Variants in PCDHGA1 observed in about 807,000 individuals in gnomAD.
The protein encoded by PCDHGA1 is protocadherin gamma subfamily A, 1, also known as protocadherin gamma-A1.
In PCDHGA1, 32 loss-of-function variants were observed where a neutral mutation model predicts 58.0. The observed-to-expected ratio is 0.55, with a 90% CI of 0.42 to 0.74. The LOEUF (loss-of-function observed/expected upper bound fraction) is 0.74. Among genes scored for constraint, PCDHGA1 ranks in the 30% least tolerant of loss-of-function variants. PCDHGA1 has a pLI of 0.00. For missense variants in PCDHGA1, 1,205 were observed against 1,182.3 expected (o/e 1.02, Z -0.28); for synonymous variants, 498 against 501.1 (o/e 0.99, Z 0.08).
Position 141,485,792 on chromosome 5 carries a change from G to T in PCDHGA1, c.2422-9015G>T, listed in dbSNP as rs114766079. 6.2e-6 allele frequency: 10 copies of T among 1,614,118 alleles called. No individual in the cohort carries two copies. In the Admixed American group the frequency reaches 1.3e-4, roughly 22 times the overall value. ...GCCTTTGGATCGAGAGAAGCAATCG[G>T]ACTACCGCCTGGTGCTGACTGCTGT... On this transcript the variant is annotated intron_variant, in intron 1 of 3. Transcript: ENST00000517417. This position sits in a 1 kb window ranked among gnomAD's most constrained non-coding sequence, Gnocchi z 5.7.
chr5:141,393,376 G>C (rs749009041), intron 1 of PCDHGA1: 2 of 1,613,842 alleles, frequency 1.2e-6, no homozygotes, highest in African/African-American at 2.7e-5. Flanking sequence ...GGAGACAATG[G>C]AGCCATAAAC....
Position 141,486,772 on chromosome 5 carries a change from T to A in PCDHGA1, c.2422-8035T>A. ...ATGAGCAAACCCAGACACTGCAGTT[T>A]GAGGTGCAGGCCCGGGATCGGGGCA... is the stretch of plus-strand genomic sequence containing the variant. On this transcript the variant is annotated intron_variant, in intron 1 of 3. Coordinates refer to ENST00000517417, the MANE Select transcript of PCDHGA1 (RefSeq NM_018912.3). The surrounding 1 kb of genome is among the most constrained non-coding windows in gnomAD (Gnocchi z 5.0). 1 of 1,614,246 alleles carries A rather than the reference T, an allele frequency of 6.2e-7. No homozygotes were observed. Among genetic ancestry groups the A allele is most frequent in the South Asian group, 1.1e-5 (1 of 91,088 alleles).
At chr5:141,393,316 A>T (rs2092726404) in intron 1 of PCDHGA1, 2 of 1,612,964 alleles carry the variant, frequency 1.2e-6, no homozygotes, top group Non-Finnish European at 1.7e-6. Flanking sequence ...AACTCCCTCC[A>T]GAGCTACCAG....
chr5:141,415,496 T>C, intron 1 of PCDHGA1: 1 of 1,614,070 alleles, frequency 6.2e-7, no homozygotes. Flanking sequence ...CACCTGATCT[T>C]CCCCCAGCCC....
rs2096144450 is a variant in PCDHGA1 at position 141,417,665 on chromosome 5, T to C, written c.2422-77142T>C. On this transcript the variant is annotated intron_variant, in intron 1 of 3. Coordinates refer to ENST00000517417, the MANE Select transcript of PCDHGA1 (RefSeq NM_018912.3). ...CCTCAGCCTCTAGCCTGGGATTCCCTGCGCAGCCAACAACAGAAAAGAAAA... is the reference window on the plus strand; with the variant it reads ...CCTCAGCCTCTAGCCTGGGATTCCCCGCGCAGCCAACAACAGAAAAGAAAA... 3.3e-6 allele frequency: 3 copies of C among 915,730 alleles called. No individual in the cohort carries two copies. In the South Asian group the frequency reaches 5.8e-5, roughly 18 times the overall value. 56.7% of individuals were successfully genotyped at this position (915,730 alleles called of 1,614,324 possible).
In PCDHGA1 at chr5:141,505,323, G is replaced by T. The variant is rs996747379; in HGVS notation, c.2481-70G>T. 12 of 1,606,640 alleles carry T rather than the reference G, an allele frequency of 7.5e-6. No homozygotes were observed. In the African/African-American group the frequency reaches 1.5e-4, roughly 20 times the overall value. On this transcript the variant is annotated intron_variant, in intron 2 of 3. Transcript: ENST00000517417. Reference sequence around the variant, plus strand: ...TAGGGTACTAGGTTTGGGAGCCCTGGGAGAGGACAGGAGGGGCATGAGCTG... The same window carrying T: ...TAGGGTACTAGGTTTGGGAGCCCTGTGAGAGGACAGGAGGGGCATGAGCTG...
At chr5:141,366,292 G>A (rs1449441048) in intron 1 of PCDHGA1, 3 of 1,613,732 alleles carry the variant, frequency 1.9e-6, no homozygotes, top group East Asian at 4.5e-5. Context: ...AGCCCCCTCT[G>A]TCAGCCACCT....
chr5:141,415,837 A>G (rs1232795581), intron 1 of PCDHGA1: 1 of 1,272,340 alleles, frequency 7.9e-7, no homozygotes, highest in Admixed American at 4.0e-5. Flanking sequence ...TGTTATGATT[A>G]GCTTTGCAGA....
At chr5:141,473,907 C>A (rs552055360) in intron 1 of PCDHGA1, among the ~76,000 whole-genome samples, 1 of 152,102 alleles carries the variant, frequency 6.6e-6, no homozygotes. Flanking sequence ...ATGAAGAGGT[C>A]TTAAGAAAAC....
chr5:141,362,299 G>C (rs781560478), intron 1 of PCDHGA1: 3 of 1,614,078 alleles, frequency 1.9e-6, no homozygotes, highest in Non-Finnish European at 2.5e-6. Context: ...TTCCAGGTCA[G>C]ATGCTTGGGA....
intron 1 of PCDHGA1, chr5:141,418,797 A>T (rs201246978): frequency 1.9e-6 from 3 of 1,613,896 alleles, no homozygotes; most frequent in Non-Finnish European, 2.5e-6. Flanking sequence ...GAAGAAGTAG[A>T]AAGATATACG....
intron 1 of PCDHGA1, chr5:141,371,432 G>A (rs751667760): frequency 1.9e-6 from 3 of 1,614,002 alleles, no homozygotes; most frequent in South Asian, 1.1e-5. Context: ...ATGCCCCGGA[G>A]ATAACCCTGG....
Position 141,477,689 on chromosome 5 carries a change from C to T in PCDHGA1, c.2422-17118C>T. The T allele has an allele frequency of 6.2e-7, 1 of 1,614,156 alleles. No individual in the cohort carries two copies. The highest frequency in any genetic ancestry group is 8.5e-7 in the Non-Finnish European group (1 of 1,180,024). ...TGGCATAGTGTCATCCTTAGTGCCC[C>T]TAGACTATGAGGATCGGCGGGAATT... On this transcript the variant is annotated intron_variant, in intron 1 of 3. Transcript: ENST00000517417. This position sits in a 1 kb window ranked among gnomAD's most constrained non-coding sequence, Gnocchi z 4.9.
intron 1 of PCDHGA1, chr5:141,409,285 T>G (rs773096828): frequency 6.2e-7 from 1 of 1,613,966 alleles, no homozygotes; most frequent in South Asian, 1.1e-5. Context: ...AGAATTCACC[T>G]CCAGGAATGG....
chr5:141,333,648 C>T (rs1329244095), intron 1 of PCDHGA1: 1 of 155,442 alleles, frequency 6.4e-6, no homozygotes, highest in African/African-American at 2.4e-5. Flanking sequence ...TCTATATAAA[C>T]TGCAATTTTA....
chr5:141,413,470 C>T (rs748662580), intron 1 of PCDHGA1: 17 of 1,614,110 alleles, frequency 1.1e-5, no homozygotes, highest in Non-Finnish European at 1.4e-5. Flanking sequence ...CCGGGAGGAG[C>T]TCTGCGCTCA....
intron 1 of PCDHGA1, chr5:141,371,739 G>A (rs1356190228): frequency 6.2e-7 from 1 of 1,614,036 alleles, no homozygotes; most frequent in South Asian, 1.1e-5. Flanking sequence ...CAACGACAAC[G>A]TTCCCGTTTT....
rs778744503 is a variant in PCDHGA1, at chr5:141,511,152, G to C, written c.2775G>C (p.Ser925=). 2 of 1,614,140 alleles carry C rather than the reference G, an allele frequency of 1.2e-6. No individual in the cohort carries two copies. Among genetic ancestry groups the C allele is most frequent in the South Asian group, 2.2e-5 (2 of 91,086 alleles). The change falls in exon 4 of 4, where the codon TCG becomes TCC. Residue 925 remains serine, a synonymous_variant. Coordinates refer to ENST00000517417, the MANE Select transcript of PCDHGA1 (RefSeq NM_018912.3). ...PAGGNGNKKK[S]GKKEKK ...GTGGCAATGGCAACAAGAAGAAGTC[G>C]GGCAAGAAGGAGAAGAAGTAACATG...
At chr5:141,448,692 G>A (rs913533738) in intron 1 of PCDHGA1, among the ~76,000 whole-genome samples, 6 of 152,072 alleles carry the variant, frequency 3.9e-5, no homozygotes, top group African/African-American at 9.7e-5. Context: ...TGTAATCGCA[G>A]CACTTTGGGA....
Sources: gnomAD v4.1 joint callset for allele counts (sites outside exome capture counted in the v4.1 genomes callset) on GRCh38, gnomAD v4.1.1 for gene constraint, Gnocchi (gnomAD v3.1) non-coding constraint, MANE v1.5 for transcripts, NCBI Gene and HGNC (gene_info 2026-07-23, HGNC 2026-07-21) for gene names.